Variants in ARL10 observed in about 807,000 individuals in gnomAD.
ARL10 encodes the protein ADP-ribosylation factor-like protein 10.
In ARL10, 23 loss-of-function variants were observed where a neutral mutation model predicts 26.1. The observed-to-expected ratio is 0.88, with a 90% CI of 0.63 to 1.25. The LOEUF (loss-of-function observed/expected upper bound fraction) is 1.25. Among genes scored for constraint, ARL10 ranks in the 50% most tolerant of loss-of-function variants. The pLI is 0.00. For missense variants in ARL10, 300 were observed against 323.6 expected (o/e 0.93, Z 0.56); for synonymous variants, 138 against 149.1 (o/e 0.93, Z 0.54).
intron 3 of ARL10, among the ~76,000 whole-genome samples, chr5:176,371,292 T>C (rs1315851558): frequency 6.6e-6 from 1 of 152,164 alleles, no homozygotes; most frequent in African/African-American, 2.4e-5. Context: ...GGAGAATCGC[T>C]TCAGGATTCC....
chr5:176,396,159 C>A (rs879686893), intron 1 of ARL10, among the ~76,000 whole-genome samples: 2 of 152,118 alleles, frequency 1.3e-5, no homozygotes, highest in Non-Finnish European at 2.9e-5. Context: ...CCCTTCACCC[C>A]ACACACCCAC....
the ARL10 span, among the ~76,000 whole-genome samples, chr5:176,412,904 T>C: frequency 1.3e-5 from 2 of 152,138 alleles, no homozygotes; most frequent in Admixed American, 1.3e-4. Flanking sequence ...CCAGGGTCTA[T>C]TCCCTGTGAT....
chr5:176,366,349 C>G, intron 1 of ARL10, 31 bp from the exon 2 acceptor site: 1 of 1,583,838 alleles, frequency 6.3e-7, no homozygotes, highest in Non-Finnish European at 8.5e-7. Context: ...GGGAGGCCGC[C>G]AGCCGCAACC....
intron 1 of ARL10, chr5:176,388,239 C>T (rs1756049374): frequency 6.2e-7 from 1 of 1,610,174 alleles, no homozygotes; most frequent in South Asian, 1.1e-5. Flanking sequence ...CAGTACCTTT[C>T]TCTTACGGAG....
At position 176,372,313 on chromosome 5, in the gene ARL10, C is replaced by A; in HGVS notation, c.*418C>A. On this transcript the variant is annotated 3_prime_UTR_variant, in exon 4 of 4. Coordinates refer to ENST00000310389, the MANE Select transcript of ARL10 (RefSeq NM_173664.6). ...CAGAAACAGTCTGGTGACGTCATGCCCTTCTCATGTGGGCAGCTTCTGAGT... is the reference window on the plus strand; with the variant it reads ...CAGAAACAGTCTGGTGACGTCATGCACTTCTCATGTGGGCAGCTTCTGAGT... The A allele has an allele frequency of 5.4e-6, 1 of 185,522 alleles. No homozygotes were observed. Among genetic ancestry groups the A allele is most frequent in the Non-Finnish European group, 1.1e-5 (1 of 90,358 alleles). 11.5% of individuals were successfully genotyped at this position (185,522 alleles called of 1,614,324 possible).
intron 1 of ARL10, chr5:176,396,678 C>T: frequency 1.4e-6 from 1 of 708,750 alleles, no homozygotes; most frequent in Non-Finnish European, 2.5e-6. Flanking sequence ...CTGGAAGGCT[C>T]AGCAACGACC....
intron 3 of ARL10, among the ~76,000 whole-genome samples, chr5:176,370,153 G>A (rs1323233909): frequency 6.6e-6 from 1 of 152,162 alleles, no homozygotes; most frequent in Non-Finnish European, 1.5e-5. Context: ...GTAAGCACCT[G>A]ACAATCATGA....
the ARL10 span, among the ~76,000 whole-genome samples, chr5:176,408,615 G>A: frequency 1.3e-5 from 2 of 151,512 alleles, no homozygotes; most frequent in Non-Finnish European, 2.9e-5. Context: ...GACCTCCCCA[G>A]CTCAAGCTGT....
downstream of ARL10, chr5:176,384,694 C>T (rs999094782): frequency 7.4e-6 from 3 of 403,072 alleles, no homozygotes; most frequent in East Asian, 4.7e-5. Flanking sequence ...TGTTTCAGCC[C>T]GGGAGGATGA....
chr5:176,400,908 G>A (rs1756785012), intron 1 of ARL10, among the ~76,000 whole-genome samples: 1 of 152,162 alleles, frequency 6.6e-6, no homozygotes, highest in Non-Finnish European at 1.5e-5. Context: ...TCTGGGAGAG[G>A]GAACACATAG....
In ARL10 at chr5:176,375,175, CCCACCCAT is replaced by C. The variant is rs1768655843; in HGVS notation, c.*3292_*3299del. On this transcript the variant is annotated 3_prime_UTR_variant, in exon 4 of 4. Coordinates refer to ENST00000310389, the MANE Select transcript of ARL10 (RefSeq NM_173664.6). ...ACCCACCCATCCATCCACCCACCCACCCACCCATCCACCCATCCATCCATCCATCCACT... is the reference window on the plus strand; with the variant it reads ...ACCCACCCATCCATCCACCCACCCACCCACCCATCCATCCATCCATCCACT... The C allele has an allele frequency of 2.9e-5, 2 of 69,130 alleles. No individual in the cohort carries two copies. Among genetic ancestry groups the C allele is most frequent in the South Asian group, 6.6e-4 (1 of 1,514 alleles). The allele number at this position is 69,130 out of a possible 1,614,324, so 4.3% of individuals were successfully genotyped here.
chr5:176,387,128 G>A (rs1755921450), intron 1 of ARL10, among the ~76,000 whole-genome samples: 1 of 151,502 alleles, frequency 6.6e-6, no homozygotes, highest in South Asian at 2.1e-4. Context: ...CTGTTGCCCA[G>A]GTTCAAATGC....
chr5:176,406,915 C>A, the ARL10 span, among the ~76,000 whole-genome samples: 2 of 152,174 alleles, frequency 1.3e-5, no homozygotes, highest in African/African-American at 4.8e-5. Context: ...CAAAGCACAC[C>A]GGGTCGGAGC....
downstream of ARL10, among the ~76,000 whole-genome samples, chr5:176,404,932 G>A (rs1421994276): frequency 2.0e-5 from 3 of 152,152 alleles, no homozygotes; most frequent in Non-Finnish European, 4.4e-5. Context: ...AGGCTCTGGC[G>A]CCTGATCCTG....
At chr5:176,385,115 CCTTT>C (rs1197434600), downstream of ARL10, 1 of 767,608 alleles carries the variant, frequency 1.3e-6, no homozygotes, top group African/African-American at 1.7e-5. Context: ...CTTTTGCCTC[CCTTT>C]CTTTGCACTC....
chr5:176,390,160 C>T (rs1258906637), downstream of ARL10, among the ~76,000 whole-genome samples: 1 of 101,628 alleles, frequency 9.8e-6, no homozygotes, highest in Non-Finnish European at 1.9e-5. Context: ...TCAGCCTGGG[C>T]AACAAGAGCA....
At chr5:176,369,062 G>A in intron 3 of ARL10, 80 bp downstream of exon 3, 1 of 1,566,182 alleles carries the variant, frequency 6.4e-7, no homozygotes, top group Non-Finnish European at 8.6e-7. Context: ...GCGCTGCCTG[G>A]GCCCATGGCC....
chr5:176,393,537 T>A (rs576076789), downstream of ARL10, among the ~76,000 whole-genome samples: 1 of 152,342 alleles, frequency 6.6e-6, no homozygotes, highest in African/African-American at 2.4e-5. This position sits in a 1 kb window ranked among gnomAD's most constrained non-coding sequence, Gnocchi z 4.4. Flanking sequence ...GCCTTTCATG[T>A]GCTGTGTGCG....
Position 176,377,578 on chromosome 5 carries a change from C to T in ARL10, c.*5683C>T, listed in dbSNP as rs1187515588. 1.3e-5 allele frequency: 2 copies of T among 152,204 alleles called. No individual in the cohort carries two copies. Among genetic ancestry groups the T allele is most frequent in the East Asian group, 1.9e-4 (1 of 5,206 alleles). 9.4% of individuals were successfully genotyped at this position (152,204 alleles called of 1,614,324 possible). Reference sequence around the variant, plus strand: ...CAGTTGAATGAAGTCCATCTGTAAGCGTTCAAATGGTCCATCAGGTGTTGG... The same window carrying T: ...CAGTTGAATGAAGTCCATCTGTAAGTGTTCAAATGGTCCATCAGGTGTTGG... On this transcript the variant is annotated 3_prime_UTR_variant, in exon 4 of 4. Transcript: ENST00000310389. The surrounding 1 kb of genome is among the most constrained non-coding windows in gnomAD (Gnocchi z 4.5).
Sources: gnomAD v4.1 joint callset for allele counts (sites outside exome capture counted in the v4.1 genomes callset) on GRCh38, gnomAD v4.1.1 for gene constraint, Gnocchi (gnomAD v3.1) non-coding constraint, MANE v1.5 for transcripts, NCBI Gene and HGNC (gene_info 2026-07-23, HGNC 2026-07-21) for gene names.